Variants in OXR1 observed in about 807,000 individuals in gnomAD.
OXR1 encodes oxidation resistance 1.
A neutral mutation model predicts 104.6 loss-of-function variants in OXR1; 41 were observed. The ratio of observed to expected loss-of-function variants is 0.39; its 90% CI spans 0.31 to 0.51. The LOEUF (loss-of-function observed/expected upper bound fraction) is 0.51. OXR1 is among the 20% of genes least tolerant of loss of function. The pLI is 0.77. For synonymous variants in OXR1, 348 were observed against 348.4 expected (o/e 1.00, Z 0.01); for missense variants, 955 against 1,031.9 (o/e 0.93, Z 1.02).
At chr8:106,699,761 CAA>C (rs1201246926) in intron 7 of OXR1, among the ~76,000 whole-genome samples, 1 of 152,152 alleles carries the variant, frequency 6.6e-6, no homozygotes, top group African/African-American at 2.4e-5. Flanking sequence ...TTCTGCTGCA[CAA>C]AAGGAGATAA....
chr8:106,559,360 C>T (rs1816512355), intron 3 of OXR1, among the ~76,000 whole-genome samples: 1 of 152,198 alleles, frequency 6.6e-6, no homozygotes. Context: ...TACAGCTCTC[C>T]TCTTCTTCTA....
intron 3 of OXR1, among the ~76,000 whole-genome samples, chr8:106,585,350 AT>A (rs1163689790): frequency 8.5e-5 from 13 of 152,232 alleles, no homozygotes; most frequent in African/African-American, 3.1e-4. Flanking sequence ...ACCCTAGTGC[AT>A]CCCAGGTTAT....
At chr8:106,282,877 A>C (rs1264561546) in intron 1 of OXR1, among the ~76,000 whole-genome samples, 1 of 152,172 alleles carries the variant, frequency 6.6e-6, no homozygotes, top group Non-Finnish European at 1.5e-5. Context: ...TCAGAAATTC[A>C]TTCTTTTAAA....
chr8:106,552,156 T>C (rs1815892486), intron 3 of OXR1, among the ~76,000 whole-genome samples: 1 of 152,008 alleles, frequency 6.6e-6, no homozygotes, highest in African/African-American at 2.4e-5. Flanking sequence ...GGGGAATACT[T>C]GTATAAAGAG....
At chr8:106,603,065 T>TA (rs972717281) in intron 3 of OXR1, among the ~76,000 whole-genome samples, 7 of 152,306 alleles carry the variant, frequency 4.6e-5, no homozygotes, top group East Asian at 3.9e-4. Context: ...ATTTTAAAGG[T>TA]AAAAAAACTC....
rs745749183 is a variant in OXR1 at position 106,692,854 on chromosome 8, T to G, written c.652T>G (p.Cys218Gly). Reference sequence around the variant, plus strand: ...TACTGAGAAATTTCTTAAAATTAATTGCAAATATATTACCAGTGGCAAGGT... The same window carrying G: ...TACTGAGAAATTTCTTAAAATTAATGGCAAATATATTACCAGTGGCAAGGT... ...AFTEKFLKIN[C>G]KYITSGKGTV... The change falls in exon 7 of 17, where the codon TGC becomes GGC. Residue 218 changes from cysteine (C) to glycine (G), a missense_variant. Cys to Gly is a radical substitution (Grantham distance 159). Transcript: ENST00000517566. The G allele has an allele frequency of 1.9e-6, 3 of 1,603,508 alleles. No individual in the cohort carries two copies. The highest frequency in any genetic ancestry group is 2.6e-6 in the Non-Finnish European group (3 of 1,173,606).
intron 1 of OXR1, among the ~76,000 whole-genome samples, chr8:106,279,953 CATT>C (rs765597857): frequency 2.0e-4 from 31 of 152,114 alleles, no homozygotes; most frequent in Admixed American, 3.9e-4. Context: ...TATTTTCCAT[CATT>C]GTGTCACTGT....
intron 2 of OXR1, among the ~76,000 whole-genome samples, chr8:106,371,383 T>C (rs77872165): frequency 0.098 from 14,906 of 152,116 alleles, 1,216 homozygotes; most frequent in African/African-American, 0.22. Flanking sequence ...AGGGTTTTTT[T>C]GTGTCTCTAT....
intron 2 of OXR1, among the ~76,000 whole-genome samples, chr8:106,427,789 C>T (rs954958546): frequency 6.6e-6 from 1 of 152,134 alleles, no homozygotes; most frequent in Admixed American, 6.6e-5. Context: ...TATGTGATAT[C>T]TCAATGTAGA....
intron 2 of OXR1, among the ~76,000 whole-genome samples, chr8:106,506,788 C>A (rs1338148702): frequency 6.6e-6 from 1 of 151,854 alleles, no homozygotes; most frequent in Non-Finnish European, 1.5e-5. Context: ...ATTTAGAGGT[C>A]GAATAGAAAA....
intron 1 of OXR1, among the ~76,000 whole-genome samples, chr8:106,317,937 G>T (rs1055982969): frequency 6.6e-6 from 1 of 152,078 alleles, no homozygotes; most frequent in African/African-American, 2.4e-5. Flanking sequence ...AAAGGACACA[G>T]AGGAAAGACT....
chr8:106,671,044 C>CAAAAAAAACAAAAACAAAAACAAAAAAA (rs1826902856), intron 3 of OXR1, among the ~76,000 whole-genome samples: 2 of 48,926 alleles, frequency 4.1e-5, no homozygotes, highest in African/African-American at 2.5e-4. Flanking sequence ...GACTCTGTCT[C>CAAAAAAAACAAAAACAAAAACAAAAAAA]AAAAAAAAAA....
intron 1 of OXR1, among the ~76,000 whole-genome samples, chr8:106,335,724 G>GTTTTGT (rs1814933424): frequency 1.3e-5 from 2 of 152,028 alleles, no homozygotes; most frequent in African/African-American, 4.8e-5. Flanking sequence ...TATGCTCAGG[G>GTTTTGT]TTTTGTTTTT....
chr8:106,302,934 T>G (rs62527967), intron 1 of OXR1, among the ~76,000 whole-genome samples: 1 of 151,414 alleles, frequency 6.6e-6, no homozygotes, highest in African/African-American at 2.4e-5. Flanking sequence ...TTTGTATTTT[T>G]AGTAGAGACG....
chr8:106,465,190 G>T (rs2130659908), intron 2 of OXR1, among the ~76,000 whole-genome samples: 1 of 151,980 alleles, frequency 6.6e-6, no homozygotes, highest in South Asian at 2.1e-4. Flanking sequence ...GGAAGTGAGG[G>T]AGTTAGCTGT....
chr8:106,526,837 C>A (rs1044899747), intron 3 of OXR1, among the ~76,000 whole-genome samples: 1 of 152,200 alleles, frequency 6.6e-6, no homozygotes, highest in African/African-American at 2.4e-5. Context: ...GCCACCGCGC[C>A]ATGTATAGCT....
intron 1 of OXR1, among the ~76,000 whole-genome samples, chr8:106,338,806 A>G (rs767435710): frequency 1.3e-5 from 2 of 151,886 alleles, no homozygotes; most frequent in Non-Finnish European, 2.9e-5. Flanking sequence ...ATTCTCTAAA[A>G]CATATTTTGT....
At chr8:106,503,922 C>A (rs535811528) in intron 2 of OXR1, among the ~76,000 whole-genome samples, 4 of 152,282 alleles carry the variant, frequency 2.6e-5, no homozygotes, top group African/African-American at 9.6e-5. Flanking sequence ...GTGGGAAGAG[C>A]TGCTTTCAGT....
intron 1 of OXR1, among the ~76,000 whole-genome samples, chr8:106,333,464 CAT>C (rs1181969214): frequency 6.6e-6 from 1 of 152,032 alleles, no homozygotes; most frequent in Non-Finnish European, 1.5e-5. Flanking sequence ...TATCCTGTAA[CAT>C]GTACAAGTTT....
Sources: allele counts gnomAD v4.1 joint callset (sites outside exome capture counted in the v4.1 genomes callset), GRCh38; gene constraint gnomAD v4.1.1; transcripts MANE v1.5; gene names NCBI Gene and HGNC (gene_info 2026-07-23, HGNC 2026-07-21).